The following PHC3 variants were observed in gnomAD, a reference collection of about 807,000 sequenced individuals.
The protein encoded by PHC3 is polyhomeotic-like protein 3.
In PHC3, 13 loss-of-function variants were observed where a neutral mutation model predicts 107.4. The observed-to-expected ratio is 0.12, with a 90% CI of 0.08 to 0.19. The LOEUF is 0.19. Among genes scored for constraint, PHC3 ranks in the 10% least tolerant of loss-of-function variants. The pLI, the probability that PHC3 is intolerant of heterozygous loss-of-function variation, is 1.00. For missense variants in PHC3, 992 were observed against 1,210.9 expected, an observed-to-expected ratio of 0.82 and a Z score of 2.68; for synonymous variants, 456 against 427.4, an observed-to-expected ratio of 1.07 and a Z score of -0.83.
chr3:170,160,565 T>C (rs1004383459), intron 4 of PHC3, among the ~76,000 whole-genome samples: 6 of 152,152 alleles, frequency 3.9e-5, no homozygotes, highest in Admixed American at 2.6e-4. Flanking sequence ...CTCAGGCAAT[T>C]AGAATATATC....
intron 2 of PHC3, among the ~76,000 whole-genome samples, chr3:170,178,183 G>A (rs537148581): frequency 1.2e-4 from 18 of 144,354 alleles, no homozygotes; most frequent in African/African-American, 4.7e-4. Flanking sequence ...TCGTTCTGTC[G>A]CTCAGGCGGG....
chr3:170,139,160 T>C (rs894967919), intron 6 of PHC3, among the ~76,000 whole-genome samples: 6 of 152,332 alleles, frequency 3.9e-5, no homozygotes, highest in African/African-American at 9.6e-5. Flanking sequence ...GACTCGCTAG[T>C]AGACTCTCAT....
intron 5 of PHC3, chr3:170,147,767 G>T (rs915863078): frequency 3.3e-5 from 5 of 152,000 alleles, no homozygotes; most frequent in Non-Finnish European, 7.3e-5. Flanking sequence ...AGGGACAAAT[G>T]GTATAACTTT....
At chr3:170,157,345 G>A (rs759420080) in intron 4 of PHC3, among the ~76,000 whole-genome samples, 2 of 152,214 alleles carry the variant, frequency 1.3e-5, no homozygotes, top group Non-Finnish European at 2.9e-5. Flanking sequence ...AAGATGTGGA[G>A]GGGTATGGAA....
chr3:170,171,294 C>A (rs1729545781), intron 4 of PHC3, 79 bp downstream of exon 4: 2 of 996,956 alleles, frequency 2.0e-6, no homozygotes, highest in Non-Finnish European at 3.0e-6. Flanking sequence ...ATAACAGCTT[C>A]ATAAATAACA....
intron 10 of PHC3, among the ~76,000 whole-genome samples, chr3:170,113,842 A>C (rs1718340876): frequency 6.6e-6 from 1 of 152,240 alleles, no homozygotes; most frequent in South Asian, 2.1e-4. Flanking sequence ...CTAATCATCC[A>C]GTTATCCTGC....
At chr3:170,126,531 T>A (rs868151804) in intron 8 of PHC3, among the ~76,000 whole-genome samples, 10,350 of 131,654 alleles carry the variant, frequency 0.079, 340 homozygotes, top group Non-Finnish European at 0.095. Flanking sequence ...TATATATATT[T>A]TTTTTTTTTT....
intron 2 of PHC3, among the ~76,000 whole-genome samples, chr3:170,178,411 G>T (rs544370709): frequency 1.3e-5 from 2 of 152,142 alleles, no homozygotes; most frequent in African/African-American, 4.8e-5. Context: ...GATTACAGGC[G>T]TGAGCCACCG....
chr3:170,120,687 T>C (rs897399443), intron 9 of PHC3, among the ~76,000 whole-genome samples: 1 of 152,164 alleles, frequency 6.6e-6, no homozygotes, highest in East Asian at 1.9e-4. Context: ...TCCCCTTTTA[T>C]GCTCTCTAGA....
intron 9 of PHC3, among the ~76,000 whole-genome samples, chr3:170,118,715 G>A (rs1169487399): frequency 6.6e-6 from 1 of 151,932 alleles, no homozygotes; most frequent in Non-Finnish European, 1.5e-5. Context: ...ATGCCTGGCT[G>A]CCTGGATAAA....
chr3:170,167,640 G>A (rs1244793044), intron 4 of PHC3, among the ~76,000 whole-genome samples: 4 of 151,776 alleles, frequency 2.6e-5, no homozygotes, highest in African/African-American at 9.7e-5. Flanking sequence ...TATGCCTGTA[G>A]TCCCAGCTGC....
intron 11 of PHC3, among the ~76,000 whole-genome samples, chr3:170,110,069 T>G (rs1205631415): frequency 8.5e-5 from 13 of 152,174 alleles, no homozygotes; most frequent in Admixed American, 8.5e-4. Flanking sequence ...TGATATCATA[T>G]CCTGCTGATA....
intron 14 of PHC3, among the ~76,000 whole-genome samples, chr3:170,099,729 C>T (rs1396226734): frequency 6.6e-6 from 1 of 152,134 alleles, no homozygotes; most frequent in Non-Finnish European, 1.5e-5. Context: ...CAAAAATTGA[C>T]CACAGTAAGG....
chr3:170,150,086 T>C (rs1197116250), intron 4 of PHC3: 3 of 152,204 alleles, frequency 2.0e-5, no homozygotes, highest in East Asian at 3.8e-4. Context: ...CCCATAAATA[T>C]GTATAGTTAT....
chr3:170,137,290 C>G (rs1048256827), intron 6 of PHC3, among the ~76,000 whole-genome samples: 5 of 152,170 alleles, frequency 3.3e-5, no homozygotes, highest in Non-Finnish European at 5.9e-5. Flanking sequence ...CTGCATGACC[C>G]TGAAATGGCT....
chr3:170,178,927 T>C lies in PHC3; in HGVS notation c.26A>G (p.His9Arg), dbSNP rs201513841. The C allele has an allele frequency of 7.5e-4, 1,216 of 1,612,756 alleles. 3 individuals carry two copies. The highest frequency in any genetic ancestry group is 2.1e-3 in the Middle Eastern group (13 of 6,056). Residue 9 changes from histidine to arginine, a missense_variant, in exon 2 of 15, where the codon CAT becomes CGT. Coordinates refer to ENST00000495893, the MANE Select transcript of PHC3 (RefSeq NM_024947.4). MAEAEFKD[H>R]STAMDTEPNP... The stretch of plus-strand genomic sequence containing the variant: ...TGGTTCAGTATCCATAGCTGTACTA[T>C]GGTCCTTAAATCTGGCAGGTCACAC...
rs771372287 is a variant in PHC3 at position 170,128,707 on chromosome 3, G to A, written c.1765C>T (p.Pro589Ser). ...ACCACTGGTGGATCAACAGGTGCTG[G>A]TGGTTGCACTTGTAGGTTTACCGCA... ...TVAVNLQVQPPAPVDPPVVYQ... is the reference protein window; with the variant it reads ...TVAVNLQVQPSAPVDPPVVYQ... The change falls in exon 8 of 15, where the codon CCA becomes TCA. Residue 589 changes from proline (P) to serine (S), a missense_variant. Transcript: ENST00000495893. 1 of 1,613,948 alleles carries A rather than the reference G, an allele frequency of 6.2e-7. No homozygotes were observed. The highest frequency in any genetic ancestry group is 2.2e-5 in the East Asian group (1 of 44,878).
In PHC3 at chr3:170,091,061, T is replaced by A. The variant is rs1158772213; in HGVS notation, c.*6169A>T. On this transcript the variant is annotated 3_prime_UTR_variant, in exon 15 of 15. Coordinates refer to ENST00000495893, the MANE Select transcript of PHC3 (RefSeq NM_024947.4). ...CACTAATGACTAGACACCCCACCAC[T>A]CTCTCATAAACACCAACTTTTTCAC... 1 of 152,120 alleles carries A rather than the reference T, an allele frequency of 6.6e-6. No individual in the cohort carries two copies. The highest frequency in any genetic ancestry group is 2.4e-5 in the African/African-American group (1 of 41,402). 9.4% of individuals were successfully genotyped at this position (152,120 alleles called of 1,614,324 possible).
chr3:170,111,329 C>T (rs1474001816), intron 11 of PHC3, among the ~76,000 whole-genome samples: 3 of 91,386 alleles, frequency 3.3e-5, no homozygotes, highest in African/African-American at 4.4e-5. Flanking sequence ...AACGAACGAA[C>T]GAAAGAACAA....
Sources: allele counts gnomAD v4.1 joint callset (sites outside exome capture counted in the v4.1 genomes callset), GRCh38; gene constraint gnomAD v4.1.1; transcripts MANE v1.5; gene names NCBI Gene and HGNC (gene_info 2026-07-23, HGNC 2026-07-21).